The following GAS2L3 variants were observed in gnomAD, a reference collection of about 807,000 sequenced individuals.
GAS2L3 encodes the protein GAS2-like protein 3.
Under a neutral mutation model 37.0 loss-of-function variants are expected in GAS2L3, and 28 were observed. The observed-to-expected ratio is 0.76, with a 90% CI of 0.56 to 1.04. GAS2L3 has a LOEUF of 1.04. GAS2L3 is among the 50% of genes least tolerant of loss of function. The probability of loss-of-function intolerance (pLI) is 0.00; values close to 1 mark genes in which losing one functional copy is unlikely to be tolerated. For synonymous variants in GAS2L3, 290 were observed against 296.6 expected (o/e 0.98, Z 0.23); for missense variants, 793 against 817.6 (o/e 0.97, Z 0.37).
At chr12:100,610,108 G>A (rs951060623) in intron 5 of GAS2L3, among the ~76,000 whole-genome samples, 1 of 152,186 alleles carries the variant, frequency 6.6e-6, no homozygotes, top group African/African-American at 2.4e-5. Context: ...TTTGTATGCG[G>A]CTATCTCGCT....
In GAS2L3 at chr12:100,624,476, C is replaced by T. The variant is rs150506659; in HGVS notation, c.1671C>T (p.Ala557=). 1.4e-4 allele frequency: 228 copies of T among 1,614,038 alleles called. No individual in the cohort carries two copies. Among genetic ancestry groups the T allele is most frequent in the Non-Finnish European group, 1.9e-4 (222 of 1,180,012 alleles). ...TCCCAGCACAGAAACTTAAATCGGC[C>T]TTGAATTTAAATCAGCCAGTTTCTG... ...KPVPAQKLKS[A]LNLNQPVSVS... Residue 557 remains alanine, a synonymous_variant, in exon 10 of 10, where the codon GCC becomes GCT. Transcript: ENST00000547754.
intron 1 of GAS2L3, among the ~76,000 whole-genome samples, chr12:100,575,753 C>G (rs1181345737): frequency 6.6e-6 from 1 of 152,062 alleles, no homozygotes; most frequent in Non-Finnish European, 1.5e-5. Flanking sequence ...TCTGGGATTA[C>G]AGGCATGAGT....
At chr12:100,580,232 T>C in intron 1 of GAS2L3, 2 of 612,650 alleles carry the variant, frequency 3.3e-6, no homozygotes, top group Non-Finnish European at 5.9e-6. Context: ...TAAACATTTG[T>C]AATAGTTGTA....
chr12:100,579,639 G>T, intron 1 of GAS2L3: 1 of 777,076 alleles, frequency 1.3e-6, no homozygotes, highest in Non-Finnish European at 2.4e-6. Flanking sequence ...AAATGTCTTA[G>T]TTCAAGGACA....
intron 1 of GAS2L3, among the ~76,000 whole-genome samples, chr12:100,588,755 T>C (rs1296844166): frequency 1.3e-5 from 2 of 152,154 alleles, no homozygotes; most frequent in Non-Finnish European, 2.9e-5. Flanking sequence ...CCCAGGAACG[T>C]ATTCCTTTCC....
intron 2 of GAS2L3, 26 bp from the exon 3 acceptor site, chr12:100,594,849 A>G: frequency 2.2e-6 from 2 of 894,316 alleles, no homozygotes; most frequent in East Asian, 3.1e-5. Context: ...TGTTAACTGT[A>G]TGTTAATATT....
intron 6 of GAS2L3, among the ~76,000 whole-genome samples, chr12:100,614,731 T>C (rs1956166232): frequency 1.3e-5 from 2 of 152,232 alleles, no homozygotes; most frequent in Non-Finnish European, 2.9e-5. Context: ...TCTGTCTCTA[T>C]GGATTTGCAT....
intron 1 of GAS2L3, 85 bp downstream of exon 1, chr12:100,573,870 C>G (rs1260974017): frequency 6.6e-6 from 1 of 152,346 alleles, no homozygotes; most frequent in Non-Finnish European, 1.5e-5. Flanking sequence ...CCTGAGGGCT[C>G]CAGGAGCCCC....
intron 1 of GAS2L3, among the ~76,000 whole-genome samples, chr12:100,582,614 C>T (rs773572482): frequency 2.0e-5 from 3 of 152,084 alleles, no homozygotes; most frequent in Non-Finnish European, 4.4e-5. Flanking sequence ...AAAGGTTGCC[C>T]ATGACAAACT....
In GAS2L3 at chr12:100,625,643, GT is replaced by G. The variant is rs1395092006; in HGVS notation, c.*756del. On this transcript the variant is annotated 3_prime_UTR_variant, in exon 10 of 10. Transcript: ENST00000547754. ...ATCTATAAAAACGTAGACACCTTAT[GT>G]TTCACATGTTGTGCAATGTGACAGG... 6.6e-6 allele frequency: 1 copy of G among 152,072 alleles called. No individual in the cohort carries two copies. Among genetic ancestry groups the G allele is most frequent in the African/African-American group, 2.4e-5 (1 of 41,412 alleles). The allele number at this position is 152,072 out of a possible 1,614,324, so 9.4% of individuals were successfully genotyped here.
chr12:100,592,652 G>A (rs754960563), intron 2 of GAS2L3, among the ~76,000 whole-genome samples: 14 of 152,076 alleles, frequency 9.2e-5, no homozygotes, highest in Non-Finnish European at 2.1e-4. Flanking sequence ...AGCACATTCT[G>A]TGTTTCCAAC....
chr12:100,582,344 A>G (rs548323803), intron 1 of GAS2L3, among the ~76,000 whole-genome samples: 1 of 152,350 alleles, frequency 6.6e-6, no homozygotes, highest in South Asian at 2.1e-4. Context: ...TCATCAGTTA[A>G]GGCAGGAACT....
At position 100,625,006 on chromosome 12, in the gene GAS2L3, G is replaced by A; in HGVS notation, c.*116G>A. 1.3e-6 allele frequency: 1 copy of A among 796,234 alleles called. No individual in the cohort carries two copies. 49.3% of individuals were successfully genotyped at this position (796,234 alleles called of 1,614,324 possible). On this transcript the variant is annotated 3_prime_UTR_variant, in exon 10 of 10. Transcript: ENST00000547754. The stretch of plus-strand genomic sequence containing the variant: ...AGGTGCAGACACTAAGGATAGTGAG[G>A]ATGGAGGCTGGGATGAGGAAAGGGT...
At chr12:100,623,483 C>A in intron 9 of GAS2L3, 79 bp from the exon 10 acceptor site, 1 of 1,288,994 alleles carries the variant, frequency 7.8e-7, no homozygotes, top group Non-Finnish European at 1.1e-6. Flanking sequence ...ACAGACATCA[C>A]ATATTGTAAC....
At chr12:100,574,762 G>A (rs1454862803) in intron 1 of GAS2L3, among the ~76,000 whole-genome samples, 1 of 152,172 alleles carries the variant, frequency 6.6e-6, no homozygotes, top group African/African-American at 2.4e-5. Context: ...CTGATCACCT[G>A]TCTTGGCACT....
Position 100,622,272 on chromosome 12 carries a change from T to G in GAS2L3, c.649-3T>G, listed in dbSNP as rs764983690. 4.0e-6 allele frequency: 6 copies of G among 1,505,290 alleles called. No homozygotes were observed. The highest frequency in any genetic ancestry group is 5.5e-6 in the Non-Finnish European group (6 of 1,090,408). 93.2% of individuals were successfully genotyped at this position (1,505,290 alleles called of 1,614,324 possible). On this transcript the variant is annotated splice_polypyrimidine_tract_variant and splice_region_variant and intron_variant, in intron 8 of 9. Coordinates refer to ENST00000547754, the MANE Select transcript of GAS2L3 (RefSeq NM_174942.3). ...ACTAAATTTTATTTGTTCGTCATCT[T>G]AGGTTAAACATATTGCTGAGGACCC...
chr12:100,604,498 G>A (rs1956032578), intron 5 of GAS2L3, among the ~76,000 whole-genome samples: 2 of 138,594 alleles, frequency 1.4e-5, no homozygotes, highest in Admixed American at 7.6e-5. Flanking sequence ...TTTGAGTGTG[G>A]GGTCTTTAGG....
rs746567614 is a variant in GAS2L3 at position 100,624,808 on chromosome 12, GA to G, written c.2004del (p.Asp669IlefsTer18). On this transcript the variant is annotated frameshift_variant, in exon 10 of 10. Transcript: ENST00000547754. LOFTEE classifies it high-confidence loss of function. ...PPSSVKDADS[G>X]DKKPTAKKKE... Reference sequence around the variant, plus strand: ...TCATCTGTTAAGGATGCAGATAGTGGAGATAAAAAACCTACTGCAAAGAAAA... The same window carrying G: ...TCATCTGTTAAGGATGCAGATAGTGGGATAAAAAACCTACTGCAAAGAAAA... 6.2e-7 allele frequency: 1 copy of G among 1,613,588 alleles called. No homozygotes were observed. Among genetic ancestry groups the G allele is most frequent in the Non-Finnish European group, 8.5e-7 (1 of 1,179,856 alleles).
chr12:100,622,749 T>TAAAAAAAAAAAAAAAAAAAAA lies in GAS2L3; in HGVS notation c.756+380_756+400dup. Among the ~76,000 whole-genome samples, 17 of 26,840 alleles carry TAAAAAAAAAAAAAAAAAAAAA rather than the reference T, an allele frequency of 6.3e-4. 2 individuals carry two copies. The highest frequency in any genetic ancestry group is 6.3e-4 in the Non-Finnish European group (10 of 15,764). 17.6% of individuals were successfully genotyped at this position (26,840 alleles called of 152,430 possible). A position where few individuals can be genotyped will look rare whatever the true frequency, so the allele number is the denominator to read the frequency against. On this transcript the variant is annotated intron_variant, in intron 9 of 9. Coordinates refer to ENST00000547754, the MANE Select transcript of GAS2L3 (RefSeq NM_174942.3). ...ATCTAATAAGATTGAGTATCCATAG[T>TAAAAAAAAAAAAAAAAAAAAA]AAAAAAAAAAAAAAAAAAAAAAAAA... is the stretch of plus-strand genomic sequence containing the variant.
Sources: gnomAD v4.1 joint callset for allele counts (sites outside exome capture counted in the v4.1 genomes callset) on GRCh38, gnomAD v4.1.1 for gene constraint, MANE v1.5 for transcripts, NCBI Gene and HGNC (gene_info 2026-07-23, HGNC 2026-07-21) for gene names.